The following PXDNL variants were observed in gnomAD, a reference collection of about 807,000 sequenced individuals.
PXDNL encodes probable oxidoreductase PXDNL.
In PXDNL, 145 loss-of-function variants were observed where a neutral mutation model predicts 150.8. The observed-to-expected ratio is 0.96, with a 90% CI of 0.84 to 1.10. The LOEUF (loss-of-function observed/expected upper bound fraction) is 1.10. Ranked by LOEUF, PXDNL falls within the 50% of genes least tolerant of loss-of-function variation. The pLI is 0.00. For synonymous variants in PXDNL, 757 were observed against 725.7 expected (o/e 1.04, Z -0.69); for missense variants, 2,087 against 1,873.9 (o/e 1.11, Z -2.10).
At chr8:51,656,482 C>A (rs1815151709) in intron 1 of PXDNL, among the ~76,000 whole-genome samples, 1 of 152,046 alleles carries the variant, frequency 6.6e-6, no homozygotes. Flanking sequence ...GTTATGTAGA[C>A]CCGAATACCC....
chr8:51,403,627 T>G (rs1049012122), intron 17 of PXDNL, among the ~76,000 whole-genome samples: 3 of 152,194 alleles, frequency 2.0e-5, no homozygotes, highest in Non-Finnish European at 4.4e-5. Flanking sequence ...CTACTTCTCA[T>G]GTATCTCAAA....
At chr8:51,703,090 G>A (rs2976205) in intron 1 of PXDNL, among the ~76,000 whole-genome samples, 4,245 of 152,140 alleles carry the variant, frequency 0.028, 203 homozygotes, top group African/African-American at 0.096. Flanking sequence ...TGTTGAATGT[G>A]CATACAGTAC....
chr8:51,689,329 T>A (rs1815940623), intron 1 of PXDNL, among the ~76,000 whole-genome samples: 1 of 152,206 alleles, frequency 6.6e-6, no homozygotes, highest in African/African-American at 2.4e-5. Context: ...AGATTTTTTT[T>A]TTTTTTTGCT....
At chr8:51,539,572 G>C (rs2130474248) in intron 4 of PXDNL, among the ~76,000 whole-genome samples, 1 of 152,070 alleles carries the variant, frequency 6.6e-6, no homozygotes, top group Admixed American at 6.5e-5. Context: ...GAAGACATTT[G>C]GGTGTAGAGT....
intron 1 of PXDNL, among the ~76,000 whole-genome samples, chr8:51,716,698 A>C (rs1259361572): frequency 1.3e-5 from 2 of 152,224 alleles, no homozygotes; most frequent in Non-Finnish European, 2.9e-5. Flanking sequence ...AATATGGAAA[A>C]GTAAAAGAAC....
At chr8:51,458,555 C>A (rs1239419854) in intron 8 of PXDNL, among the ~76,000 whole-genome samples, 1 of 152,130 alleles carries the variant, frequency 6.6e-6, no homozygotes, top group Non-Finnish European at 1.5e-5. Flanking sequence ...CTTCATCACT[C>A]AATACATATT....
At chr8:51,592,887 G>T (rs1239964686) in intron 2 of PXDNL, among the ~76,000 whole-genome samples, 189 bp from the exon 3 acceptor site, 3 of 152,022 alleles carry the variant, frequency 2.0e-5, no homozygotes, top group African/African-American at 7.3e-5. Flanking sequence ...TTGTCACAAA[G>T]ACTTTAAAAT....
At chr8:51,474,249 C>CATGA (rs1178081365) in intron 7 of PXDNL, among the ~76,000 whole-genome samples, 1 of 152,130 alleles carries the variant, frequency 6.6e-6, no homozygotes, top group Admixed American at 6.5e-5. Context: ...CATGCACACA[C>CATGA]ACACACGAAG....
intron 3 of PXDNL, among the ~76,000 whole-genome samples, chr8:51,577,995 GAAAGAGGAA>G (rs1813111650): frequency 2.1e-5 from 1 of 47,830 alleles, no homozygotes; most frequent in Non-Finnish European, 4.2e-5. Flanking sequence ...AAGAAAGAAA[GAAAGAGGAA>G]GGAAGGAAGG....
At chr8:51,573,870 A>G (rs578129405) in intron 3 of PXDNL, among the ~76,000 whole-genome samples, 1 of 152,078 alleles carries the variant, frequency 6.6e-6, no homozygotes, top group African/African-American at 2.4e-5. Flanking sequence ...GATGGGCTCT[A>G]ATTTTATAAA....
At chr8:51,624,347 G>C (rs899596357) in intron 2 of PXDNL, among the ~76,000 whole-genome samples, 2 of 152,018 alleles carry the variant, frequency 1.3e-5, no homozygotes, top group Non-Finnish European at 2.9e-5. Context: ...AGTAAGTCAG[G>C]TGTTGTTTTG....
intron 4 of PXDNL, among the ~76,000 whole-genome samples, chr8:51,505,815 T>C (rs1276538806): frequency 6.6e-6 from 1 of 152,246 alleles, no homozygotes; most frequent in Non-Finnish European, 1.5e-5. Flanking sequence ...CACCATGTCC[T>C]GCCTCACATC....
At chr8:51,359,924 T>A (rs930500770) in intron 19 of PXDNL, among the ~76,000 whole-genome samples, 4 of 151,998 alleles carry the variant, frequency 2.6e-5, no homozygotes, top group African/African-American at 9.7e-5. Flanking sequence ...AGTAAGATGC[T>A]CTTCACTGTT....
At chr8:51,790,870 T>A (rs908093454) in intron 1 of PXDNL, among the ~76,000 whole-genome samples, 1 of 49,620 alleles carries the variant, frequency 2.0e-5, no homozygotes, top group South Asian at 9.8e-4. Flanking sequence ...GAGACACTAA[T>A]TGATCATTTT....
intron 8 of PXDNL, among the ~76,000 whole-genome samples, chr8:51,458,471 T>C (rs897150107): frequency 2.0e-5 from 3 of 152,228 alleles, no homozygotes; most frequent in Non-Finnish European, 2.9e-5. Context: ...AGAAGGTATA[T>C]AGATTTTCAC....
chr8:51,677,303 C>T (rs1302047591), intron 1 of PXDNL, among the ~76,000 whole-genome samples: 1 of 152,258 alleles, frequency 6.6e-6, no homozygotes, highest in East Asian at 1.9e-4. Flanking sequence ...ATATTACATA[C>T]GTTTCCTATA....
rs567875778 is a variant in PXDNL at position 51,490,589 on chromosome 8, A to G, written c.453-6875T>C. On this transcript the variant is annotated intron_variant, in intron 5 of 22. Coordinates refer to ENST00000356297, the MANE Select transcript of PXDNL (RefSeq NM_144651.5). ...ATGAATGGACGAAATATGTATATGTATATATATATATTTAGTGGACTTTAT... is the reference window on the plus strand; with the variant it reads ...ATGAATGGACGAAATATGTATATGTGTATATATATATTTAGTGGACTTTAT... 2.4e-3 allele frequency among the ~76,000 whole-genome samples: 353 copies of G among 149,958 alleles called. 5 individuals are homozygous for G. Among genetic ancestry groups the G allele is most frequent in the African/African-American group, 8.2e-3 (335 of 41,000 alleles).
intron 19 of PXDNL, among the ~76,000 whole-genome samples, chr8:51,368,662 A>G (rs1038681852): frequency 2.6e-5 from 4 of 152,144 alleles, no homozygotes; most frequent in African/African-American, 9.7e-5. Flanking sequence ...TTACATCCCA[A>G]ACGGAGGTCT....
rs531214118 is a variant in PXDNL, at chr8:51,371,758, G to T, written c.3901+115C>A. On this transcript the variant is annotated intron_variant, in intron 19 of 22. Transcript: ENST00000356297. ...CAGATTTCCAAAAGGAAAGTTCTGT[G>T]TTGTTGGCTTTTTGCGTATCTTTCT... The T allele has an allele frequency of 1.9e-4, 184 of 963,432 alleles. 1 individual carries two copies. In the African/African-American group the frequency reaches 2.0e-3, roughly 10 times the overall value. The allele number at this position is 963,432 out of a possible 1,614,324, so 59.7% of individuals were successfully genotyped here.
Sources: gnomAD v4.1 joint callset for allele counts (sites outside exome capture counted in the v4.1 genomes callset) on GRCh38, gnomAD v4.1.1 for gene constraint, MANE v1.5 for transcripts, NCBI Gene and HGNC (gene_info 2026-07-23, HGNC 2026-07-21) for gene names.